Variants in RBFOX1 observed in about 807,000 individuals in gnomAD.
RBFOX1 encodes RNA binding protein fox-1 homolog 1.
In RBFOX1, 8 loss-of-function variants were observed where a neutral mutation model predicts 57.7. That is an observed-to-expected ratio of 0.14 (90% confidence interval 0.08 to 0.25). RBFOX1 has a LOEUF of 0.25. RBFOX1 is among the 10% of genes least tolerant of loss of function. RBFOX1 has a pLI of 1.00. For missense variants in RBFOX1, 611 were observed against 548.5 expected (o/e 1.11, Z -1.14); for synonymous variants, 326 against 222.4 (o/e 1.47, Z -4.15).
intron 2 of RBFOX1, among the ~76,000 whole-genome samples, chr16:6,549,597 TGAA>T (rs2096955191): frequency 6.6e-6 from 1 of 150,960 alleles, no homozygotes. Flanking sequence ...AGCATTCACT[TGAA>T]GATACTGCAG....
At chr16:6,497,541 A>G (rs1332383647) in intron 2 of RBFOX1, among the ~76,000 whole-genome samples, 2 of 148,974 alleles carry the variant, frequency 1.3e-5, no homozygotes, top group Non-Finnish European at 3.0e-5. Context: ...TAAATCCTTT[A>G]CACCGATTTT....
At chr16:6,882,587 C>T (rs2063173665) in intron 3 of RBFOX1, among the ~76,000 whole-genome samples, 1 of 151,980 alleles carries the variant, frequency 6.6e-6, no homozygotes, top group Admixed American at 6.6e-5. Flanking sequence ...CAGAGTTAAA[C>T]TCTGAAAATA....
intron 11 of RBFOX1, among the ~76,000 whole-genome samples, chr16:7,640,198 T>C (rs1231637776): frequency 6.6e-6 from 1 of 152,220 alleles, no homozygotes; most frequent in African/African-American, 2.4e-5. Flanking sequence ...GTCATAATCA[T>C]AACCCACTTT....
chr16:7,439,111 G>A (rs949316768), intron 4 of RBFOX1, among the ~76,000 whole-genome samples: 14 of 152,144 alleles, frequency 9.2e-5, no homozygotes, highest in South Asian at 4.1e-4. Context: ...CATGGTCCTC[G>A]CGCTGGCAAA....
At chr16:6,751,046 G>C (rs979735695) in intron 3 of RBFOX1, among the ~76,000 whole-genome samples, 1 of 152,154 alleles carries the variant, frequency 6.6e-6, no homozygotes, top group South Asian at 2.1e-4. Context: ...ATGTGGGAAA[G>C]AACTAAAAGG....
chr16:5,354,713 G>A lies in RBFOX1; in HGVS notation c.220-112503G>A, dbSNP rs1175688577. 2.0e-5 allele frequency among the ~76,000 whole-genome samples: 3 copies of A among 152,214 alleles called. No homozygotes were observed. The South Asian group carries it at 6.2e-4, about 32-fold the overall frequency. On this transcript the variant is annotated intron_variant, in intron 1 of 2. Coordinates refer to the RBFOX1 transcript ENST00000585867. The stretch of plus-strand genomic sequence containing the variant: ...TCTAGAGCATGCTGTCTTAAGTGTG[G>A]TCCTTCTGATAGGACAAACGTTCAC...
intron 3 of RBFOX1, among the ~76,000 whole-genome samples, chr16:6,843,361 C>CT (rs2093592170): frequency 6.6e-6 from 1 of 151,934 alleles, no homozygotes; most frequent in East Asian, 1.9e-4. Context: ...AAAAAAATTC[C>CT]TTACTTTTTG....
chr16:6,907,025 G>A (rs7193337), intron 3 of RBFOX1, among the ~76,000 whole-genome samples: 44,963 of 151,640 alleles, frequency 0.3, 7,745 homozygotes, highest in African/African-American at 0.49. Context: ...CACCCAGCTT[G>A]CAGAACTAAA....
chr16:5,465,485 C>T (rs187171904), intron 1 of RBFOX1, among the ~76,000 whole-genome samples: 1 of 152,132 alleles, frequency 6.6e-6, no homozygotes, highest in Admixed American at 6.5e-5. Context: ...AAAACACAGC[C>T]TTTGAGCAAG....
intron 4 of RBFOX1, among the ~76,000 whole-genome samples, chr16:7,091,868 G>A (rs973418682): frequency 7.2e-5 from 11 of 152,204 alleles, no homozygotes; most frequent in Admixed American, 1.3e-4. Context: ...TTATGCAGAA[G>A]TTGCAGATAT....
chr16:7,074,023 C>G (rs2057855151), intron 4 of RBFOX1, among the ~76,000 whole-genome samples: 1 of 152,114 alleles, frequency 6.6e-6, no homozygotes, highest in African/African-American at 2.4e-5. Context: ...TCCATTTTGC[C>G]TATGGCTTCT....
In RBFOX1 at chr16:5,462,463, C is replaced by T. The variant is rs558468634; in HGVS notation, c.220-4753C>T. Among the ~76,000 whole-genome samples, 8 of 152,188 alleles carry T rather than the reference C, an allele frequency of 5.3e-5. No homozygotes were observed. The East Asian group carries it at 5.8e-4, about 11-fold the overall frequency. ...GATTACAGGCGTGAGCCACCGCGCC[C>T]GGCCGAAACCCAGTGAGTTTCTAAT... On this transcript the variant is annotated intron_variant, in intron 1 of 2. Transcript: ENST00000585867.
intron 1 of RBFOX1, among the ~76,000 whole-genome samples, chr16:5,327,884 G>A (rs2064629826): frequency 6.6e-6 from 1 of 152,148 alleles, no homozygotes; most frequent in African/African-American, 2.4e-5. Context: ...GGTCTGGGAG[G>A]GATGGGAAGT....
At chr16:6,881,943 A>C (rs1372324721) in intron 3 of RBFOX1, among the ~76,000 whole-genome samples, 1 of 152,202 alleles carries the variant, frequency 6.6e-6, no homozygotes, top group Admixed American at 6.5e-5. Context: ...TAATTGACAT[A>C]GTGTAAAAAG....
At chr16:5,759,172 A>G (rs1018069794) in intron 3 of RBFOX1, among the ~76,000 whole-genome samples, 23 of 152,204 alleles carry the variant, frequency 1.5e-4, no homozygotes, top group African/African-American at 5.1e-4. Context: ...TCATTAGCCT[A>G]ACTTCCTATC....
intron 1 of RBFOX1, among the ~76,000 whole-genome samples, chr16:5,326,772 G>A (rs2064586367): frequency 6.6e-6 from 1 of 152,208 alleles, no homozygotes; most frequent in Admixed American, 6.5e-5. Flanking sequence ...GAATGGAGGA[G>A]GGAACATATC....
chr16:5,506,096 C>T (rs1357900919), intron 2 of RBFOX1, among the ~76,000 whole-genome samples: 2 of 152,116 alleles, frequency 1.3e-5, no homozygotes, highest in African/African-American at 4.8e-5. Context: ...TGCCTTTGAG[C>T]CCACACTGCC....
chr16:6,508,935 CAGGTTG>C (rs1475067884), intron 2 of RBFOX1, among the ~76,000 whole-genome samples: 1 of 151,600 alleles, frequency 6.6e-6, no homozygotes, highest in Non-Finnish European at 1.5e-5. Context: ...ATCTGTGCCT[CAGGTTG>C]AGACCTGGTT....
chr16:7,031,952 G>A (rs1394741027), intron 3 of RBFOX1, among the ~76,000 whole-genome samples: 3 of 152,072 alleles, frequency 2.0e-5, no homozygotes, highest in African/African-American at 7.2e-5. Flanking sequence ...TTGTTGGGAT[G>A]GACTTCCTCG....
Sources: gnomAD v4.1 joint callset for allele counts (sites outside exome capture counted in the v4.1 genomes callset) on GRCh38, gnomAD v4.1.1 for gene constraint, MANE v1.5 for transcripts, NCBI Gene and HGNC (gene_info 2026-07-23, HGNC 2026-07-21) for gene names.